PATL1: variants seen among roughly 807,000 people sequenced by gnomAD.
The protein encoded by PATL1 is protein PAT1 homolog 1.
A neutral mutation model predicts 100.6 loss-of-function variants in PATL1; 32 were observed. The ratio of observed to expected loss-of-function variants is 0.32; its 90% CI spans 0.24 to 0.43. PATL1 has a LOEUF of 0.43. Among genes scored for constraint, PATL1 ranks in the 20% least tolerant of loss-of-function variants. The probability of loss-of-function intolerance (pLI) is 1.00; values close to 1 mark genes in which losing one functional copy is unlikely to be tolerated. For missense variants in PATL1, 747 were observed against 949.9 expected (o/e 0.79, Z 2.81); for synonymous variants, 332 against 330.0 (o/e 1.01, Z -0.07).
intron 14 of PATL1, among the ~76,000 whole-genome samples, chr11:59,648,427 C>G (rs1861394770): frequency 6.6e-6 from 1 of 150,886 alleles, no homozygotes; most frequent in African/African-American, 2.4e-5. Flanking sequence ...CTCAAGTGAT[C>G]TGCCCACCTC....
intron 15 of PATL1, among the ~76,000 whole-genome samples, chr11:59,645,207 G>A (rs1380953730): frequency 1.7e-5 from 2 of 117,940 alleles, no homozygotes; most frequent in Non-Finnish European, 3.4e-5. Flanking sequence ...GCAACCATCC[G>A]ATTTCTCAAT....
At chr11:59,651,682 A>C (rs1362356116) in intron 11 of PATL1, 41 bp from the exon 12 acceptor site, 2 of 1,308,308 alleles carry the variant, frequency 1.5e-6, no homozygotes, top group African/African-American at 3.0e-5. Context: ...CAAAATAAAA[A>C]GTCAGCAATG....
intron 2 of PATL1, among the ~76,000 whole-genome samples, 155 bp from the exon 3 acceptor site, chr11:59,659,624 C>T (rs766373058): frequency 3.3e-5 from 5 of 152,036 alleles, no homozygotes; most frequent in Admixed American, 6.6e-5. Context: ...CTCCACCTCC[C>T]GGGTTCAAGC....
chr11:59,657,459 T>A (rs1008059352), intron 5 of PATL1, 71 bp downstream of exon 5: 1 of 1,347,074 alleles, frequency 7.4e-7, no homozygotes, highest in Non-Finnish European at 9.9e-7. Flanking sequence ...CCACCCAACA[T>A]CACCAATTTT....
Position 59,649,605 on chromosome 11 carries a change from G to A in PATL1, c.1590C>T (p.Tyr530=), listed in dbSNP as rs1387034375. The change falls in exon 14 of 19, where the codon TAC becomes TAT. Residue 530 remains tyrosine (Y), a synonymous_variant. Coordinates refer to ENST00000300146, the MANE Select transcript of PATL1 (RefSeq NM_152716.3). Reference sequence around the variant, plus strand: ...AGTCCTCCACATCAAGGAGTAAGCTGTAGGTCTAAGAAGGGAGACAAAAGC... The same window carrying A: ...AGTCCTCCACATCAAGGAGTAAGCTATAGGTCTAAGAAGGGAGACAAAAGC... ...RKTLVIIEKT[Y]SLLLDVEDYE... is the part of the protein sequence containing the mutation. 3 of 1,612,088 alleles carry A rather than the reference G, an allele frequency of 1.9e-6. No individual in the cohort carries two copies. The highest frequency in any genetic ancestry group is 1.7e-6 in the Non-Finnish European group (2 of 1,178,976).
intron 2 of PATL1, among the ~76,000 whole-genome samples, chr11:59,661,614 G>C (rs1313622397): frequency 2.0e-5 from 3 of 152,100 alleles, no homozygotes; most frequent in Non-Finnish European, 4.4e-5. Context: ...AACCAACACA[G>C]AAACAGAGAC....
chr11:59,656,407 G>C, intron 6 of PATL1, 92 bp downstream of exon 6: 2 of 1,049,858 alleles, frequency 1.9e-6, no homozygotes, highest in Non-Finnish European at 2.8e-6. Flanking sequence ...TAATTTAGGA[G>C]ATGTCAGCAA....
chr11:59,658,949 A>C lies in PATL1; in HGVS notation c.346-3T>G, dbSNP rs1328304049. The C allele has an allele frequency of 6.5e-7, 1 of 1,546,430 alleles. No individual in the cohort carries two copies. ...GAATTCAGACTTCCTGGTTGGGGCT[A>C]ACAAAAAAGGAAAACATACAGAGTC... On this transcript the variant is annotated splice_polypyrimidine_tract_variant and splice_region_variant and intron_variant, in intron 3 of 18. Transcript: ENST00000300146.
chr11:59,667,150 ACTTT>A, intron 1 of PATL1, 186 bp from the exon 2 acceptor site: 15 of 873,626 alleles, frequency 1.7e-5, no homozygotes, highest in South Asian at 5.3e-5. Flanking sequence ...TCTTTCTTTC[ACTTT>A]CTATTTCCTA....
chr11:59,665,709 T>A (rs1029001499), intron 2 of PATL1, among the ~76,000 whole-genome samples: 7 of 152,122 alleles, frequency 4.6e-5, no homozygotes, highest in African/African-American at 1.7e-4. Flanking sequence ...CTGCTTGAAC[T>A]GGGGAGGCAG....
intron 12 of PATL1, among the ~76,000 whole-genome samples, chr11:59,651,167 G>T (rs1295123665): frequency 1.3e-5 from 2 of 152,120 alleles, no homozygotes; most frequent in African/African-American, 4.8e-5. Context: ...TGTCATGGGG[G>T]TTGTACAAAT....
At chr11:59,641,675 C>A (rs1861282442) in intron 16 of PATL1, among the ~76,000 whole-genome samples, 1 of 151,580 alleles carries the variant, frequency 6.6e-6, no homozygotes, top group South Asian at 2.1e-4. Flanking sequence ...ATGGCTTGAG[C>A]CCAGGAGGCA....
At chr11:59,644,885 G>A (rs1438551412) in intron 15 of PATL1, among the ~76,000 whole-genome samples, 3 of 73,294 alleles carry the variant, frequency 4.1e-5, no homozygotes, top group Non-Finnish European at 5.2e-5. Flanking sequence ...GGGAGACTTC[G>A]TTTCCTTTTT....
In PATL1 at chr11:59,647,876, G is replaced by A; in HGVS notation, c.1771C>T (p.Arg591Ter). 3 of 1,613,778 alleles carry A rather than the reference G, an allele frequency of 1.9e-6. No homozygotes were observed. The highest frequency in any genetic ancestry group is 2.5e-6 in the Non-Finnish European group (3 of 1,179,836). Residue 591 changes from arginine to a stop codon, truncating the protein, a stop_gained, in exon 15 of 19, where the codon CGA becomes TGA. Transcript: ENST00000300146. LOFTEE classifies it high-confidence loss of function. ...CGGGCAACCATTCTCTTCCCTTTTC[G>A]GATACACATGATCTGTACAAAGTGG... ...DDHFVQIMCI[R>*]KGKRMVARIL...
chr11:59,659,190 G>T, intron 3 of PATL1, 62 bp downstream of exon 3: 2 of 1,418,714 alleles, frequency 1.4e-6, no homozygotes, highest in Non-Finnish European at 1.9e-6. Flanking sequence ...AAATGGCAAA[G>T]TTCAATACTT....
intron 12 of PATL1, 90 bp from the exon 13 acceptor site, chr11:59,650,903 AC>A (rs1380872409): frequency 1.1e-6 from 1 of 877,858 alleles, no homozygotes; most frequent in African/African-American, 1.7e-5. Context: ...TTGTGACAAT[AC>A]TTTGAGAAGA....
chr11:59,650,027 A>G (rs1861419322), intron 13 of PATL1, among the ~76,000 whole-genome samples: 1 of 151,266 alleles, frequency 6.6e-6, no homozygotes, highest in South Asian at 2.1e-4. Context: ...TGGCTGAGGC[A>G]GGAGAATTAC....
chr11:59,641,988 T>G (rs778953486), intron 16 of PATL1, among the ~76,000 whole-genome samples: 2 of 152,092 alleles, frequency 1.3e-5, no homozygotes, highest in African/African-American at 2.4e-5. Flanking sequence ...CTACTGTACA[T>G]AGAATGGCCC....
chr11:59,640,383 T>TAAA (rs1861259149), intron 16 of PATL1, among the ~76,000 whole-genome samples: 1 of 151,374 alleles, frequency 6.6e-6, no homozygotes, highest in Non-Finnish European at 1.5e-5. Context: ...TGTGTTTTAT[T>TAAA]TAGTGGACAG....
Sources: gnomAD v4.1 joint callset for allele counts (sites outside exome capture counted in the v4.1 genomes callset) on GRCh38, gnomAD v4.1.1 for gene constraint, MANE v1.5 for transcripts, NCBI Gene and HGNC (gene_info 2026-07-23, HGNC 2026-07-21) for gene names.